Variants in ZNF300 observed in about 807,000 individuals in gnomAD.
ZNF300 encodes the protein kruppel-like zinc finger protein.
ZNF300 carries 6 observed loss-of-function variants against 13.9 expected under a neutral mutation model. That is an observed-to-expected ratio of 0.43 (90% confidence interval 0.24 to 0.85). ZNF300 has a LOEUF of 0.85. ZNF300 is among the 40% of genes least tolerant of loss of function. The pLI is 0.25. For synonymous variants in ZNF300, 237 were observed against 242.2 expected (o/e 0.98, Z 0.20); for missense variants, 662 against 714.2 (o/e 0.93, Z 0.83).
chr5:150,902,016 T>TA (rs1755011006), intron 3 of ZNF300, among the ~76,000 whole-genome samples: 1 of 152,172 alleles, frequency 6.6e-6, no homozygotes, highest in South Asian at 2.1e-4. Context: ...TATAAACTGT[T>TA]AATCAATCAC....
At chr5:150,898,300 C>T (rs1056216989) in intron 4 of ZNF300, 116 bp from the exon 5 acceptor site, 18 of 1,587,980 alleles carry the variant, frequency 1.1e-5, no homozygotes, top group East Asian at 4.5e-5. Context: ...AAAGGCATAA[C>T]CTCCATTTGC....
intron 3 of ZNF300, among the ~76,000 whole-genome samples, chr5:150,898,898 TTA>T (rs1293885071): frequency 6.6e-6 from 1 of 151,994 alleles, no homozygotes; most frequent in East Asian, 1.9e-4. Context: ...TCCTGAATAT[TTA>T]TATGTTGAAG....
At chr5:150,900,356 T>C (rs541135768) in intron 3 of ZNF300, among the ~76,000 whole-genome samples, 1 of 152,090 alleles carries the variant, frequency 6.6e-6, no homozygotes, top group Non-Finnish European at 1.5e-5. Flanking sequence ...TTTCTACTTT[T>C]ACAAATGCTG....
At chr5:150,898,295 C>T (rs1754869908) in intron 4 of ZNF300, 111 bp from the exon 5 acceptor site, 1 of 1,585,376 alleles carries the variant, frequency 6.3e-7, no homozygotes, top group Middle Eastern at 1.7e-4. Context: ...TCAACAAAGG[C>T]ATAACCTCCA....
chr5:150,899,008 A>G (rs1281096095), intron 3 of ZNF300, among the ~76,000 whole-genome samples: 2 of 152,092 alleles, frequency 1.3e-5, no homozygotes, highest in African/African-American at 4.8e-5. Flanking sequence ...AACTGAATCC[A>G]ATATGATCTG....
chr5:150,896,104 T>C lies in ZNF300; in HGVS notation c.1135A>G (p.Lys379Glu). 1.9e-6 allele frequency: 3 copies of C among 1,613,518 alleles called. No homozygotes were observed. The highest frequency in any genetic ancestry group is 2.5e-6 in the Non-Finnish European group (3 of 1,179,764). Residue 379 changes from lysine (K) to glutamate (E), a missense_variant, in exon 6 of 6, where the codon AAA (lysine) becomes GAA (glutamate). Physicochemically the swap from Lys to Glu is moderately conservative, Grantham distance 56. Transcript: ENST00000274599. ...CCACACTCTCTACATTCATAGGGTTTTTCCCCAGTATGTATTCTCTGATGT... is the reference window on the plus strand; with the variant it reads ...CCACACTCTCTACATTCATAGGGTTCTTCCCCAGTATGTATTCTCTGATGT... ...IIHQRIHTGE[K>E]PYECRECGKA...
chr5:150,902,940 T>C (rs1186794312), intron 3 of ZNF300, among the ~76,000 whole-genome samples: 1 of 152,226 alleles, frequency 6.6e-6, no homozygotes, highest in African/African-American at 2.4e-5. Flanking sequence ...TGTCTGCAAG[T>C]AAGATCAGAA....
intron 3 of ZNF300, among the ~76,000 whole-genome samples, chr5:150,901,143 G>A (rs1220451920): frequency 6.6e-6 from 1 of 151,954 alleles, no homozygotes; most frequent in Non-Finnish European, 1.5e-5. Flanking sequence ...CTTCCTGAAG[G>A]AAGAAGCATT....
chr5:150,896,118 A>G lies in ZNF300; in HGVS notation c.1121T>C (p.Ile374Thr), dbSNP rs1202928019. The change falls in exon 6 of 6, where the codon ATA becomes ACA. Residue 374 changes from isoleucine (I) to threonine (T), a missense_variant. By Grantham distance (89) the Ile-to-Thr change is moderately conservative (BLOSUM62 -1). Coordinates refer to ENST00000274599, the MANE Select transcript of ZNF300 (RefSeq NM_052860.4). Reference protein sequence around the residue: ...QKSPLIIHQRIHTGEKPYECR... With the variant: ...QKSPLIIHQRTHTGEKPYECR... ...TTCATAGGGTTTTTCCCCAGTATGTATTCTCTGATGTATAATGAGGGGTGA... is the reference window on the plus strand; with the variant it reads ...TTCATAGGGTTTTTCCCCAGTATGTGTTCTCTGATGTATAATGAGGGGTGA... The G allele has an allele frequency of 6.2e-7, 1 of 1,613,416 alleles. No homozygotes were observed. Among genetic ancestry groups the G allele is most frequent in the South Asian group, 1.1e-5 (1 of 91,058 alleles).
Position 150,896,610 on chromosome 5 carries a change from T to C in ZNF300, c.629A>G (p.Lys210Arg). 2 of 1,613,738 alleles carry C rather than the reference T, an allele frequency of 1.2e-6. No homozygotes were observed. The highest frequency in any genetic ancestry group is 1.7e-6 in the Non-Finnish European group (2 of 1,179,842). The change falls in exon 6 of 6, where the codon AAA becomes AGA. Residue 210 changes from lysine to arginine, a missense_variant. By Grantham distance (26) the Lys-to-Arg change is conservative. Transcript: ENST00000274599. Reference protein sequence around the residue: ...LPSCYKSNSRKKPDQSFGGGK... With the variant: ...LPSCYKSNSRRKPDQSFGGGK... ...ACCTCCAAAACTCTGATCAGGTTTT[T>C]TTCTTGAATTGCTCTTATAACAACT...
chr5:150,903,409 A>G, intron 2 of ZNF300: 2 of 1,506,672 alleles, frequency 1.3e-6, no homozygotes, highest in Non-Finnish European at 1.8e-6. Flanking sequence ...ATAGAAGTTG[A>G]CCAAGGTTTT....
At position 150,896,835 on chromosome 5, in the gene ZNF300, T is replaced by A. The variant is rs1328704559; in HGVS notation, c.404A>T (p.Gln135Leu). The change falls in exon 6 of 6, where the codon CAG becomes CTG. Residue 135 changes from glutamine to leucine, a missense_variant. Physicochemically the swap from Gln to Leu is moderately radical, Grantham distance 113. Coordinates refer to ENST00000274599, the MANE Select transcript of ZNF300 (RefSeq NM_052860.4). ...LKVCQGDGQL[Q>L]RFLENQDKLF... ...TTTGTCTTGATTCTCTAGAAATCTC[T>A]GCAGCTGACCATCACCTTGACAGAC... The A allele has an allele frequency of 1.9e-6, 3 of 1,613,648 alleles. No individual in the cohort carries two copies. The highest frequency in any genetic ancestry group is 1.7e-6 in the Non-Finnish European group (2 of 1,179,782).
At chr5:150,904,607 T>C (rs79623152) in intron 1 of ZNF300, 97 bp downstream of exon 1, 5,992 of 152,480 alleles carry the variant, frequency 0.039, 181 homozygotes, top group East Asian at 0.16. Context: ...AAATCCAACA[T>C]TAATCCCACC....
chr5:150,903,112 A>T (rs1045023130), intron 3 of ZNF300, 29 bp downstream of exon 3: 6 of 1,279,352 alleles, frequency 4.7e-6, no homozygotes, highest in East Asian at 2.4e-5. Flanking sequence ...CCAAAGAAGA[A>T]TTTTTTTTTT....
At chr5:150,903,496 C>T in intron 2 of ZNF300, 1 of 808,182 alleles carries the variant, frequency 1.2e-6, no homozygotes, top group Non-Finnish European at 2.0e-6. Flanking sequence ...ATCAGCAATT[C>T]TATTTATAGA....
At position 150,895,460 on chromosome 5, in the gene ZNF300, A is replaced by G; in HGVS notation, c.1779T>C (p.Thr593=). The change falls in exon 6 of 6, where the codon ACT becomes ACC. Residue 593 remains threonine (T), a synonymous_variant. Transcript: ENST00000274599. Reference sequence around the variant, plus strand: ...CCACTGTGTGAATTCTCTGGTGTACAGTTAGTTGTGACTTCTGGATGAAGG... The same window carrying G: ...CCACTGTGTGAATTCTCTGGTGTACGGTTAGTTGTGACTTCTGGATGAAGG... The part of the protein sequence containing the change: ...GKAFIQKSQL[T]VHQRIHTVVK... 2 of 1,611,834 alleles carry G rather than the reference A, an allele frequency of 1.2e-6. No homozygotes were observed. The highest frequency in any genetic ancestry group is 1.1e-5 in the South Asian group (1 of 90,884).
intron 3 of ZNF300, among the ~76,000 whole-genome samples, chr5:150,898,795 G>C (rs11749218): frequency 1.3e-5 from 2 of 151,952 alleles, no homozygotes; most frequent in African/African-American, 4.8e-5. Flanking sequence ...ATAACTGGGA[G>C]GAAGATGGAT....
chr5:150,895,436 CA>C lies in ZNF300; in HGVS notation c.1802del (p.Val601GlyfsTer2), dbSNP rs1451884748. ...TGTGGCCAGTTCATTATGATTTTAC[CA>C]CTGTGTGAATTCTCTGGTGTACAGT... ...QLTVHQRIHT[V>X]VKS On this transcript the variant is annotated frameshift_variant, in exon 6 of 6. Coordinates refer to ENST00000274599, the MANE Select transcript of ZNF300 (RefSeq NM_052860.4). LOFTEE classifies it high-confidence loss of function. The C allele has an allele frequency of 6.3e-7, 1 of 1,599,628 alleles. No homozygotes were observed. Among genetic ancestry groups the C allele is most frequent in the African/African-American group, 1.3e-5 (1 of 74,606 alleles).
At chr5:150,897,065 A>G in intron 5 of ZNF300, 92 bp from the exon 6 acceptor site, 3 of 983,270 alleles carry the variant, frequency 3.1e-6, no homozygotes, top group Non-Finnish European at 4.4e-6. Context: ...AACATAGTAG[A>G]TGAACTCACA....
Sources: gnomAD v4.1 joint callset for allele counts (sites outside exome capture counted in the v4.1 genomes callset) on GRCh38, gnomAD v4.1.1 for gene constraint, MANE v1.5 for transcripts, NCBI Gene and HGNC (gene_info 2026-07-23, HGNC 2026-07-21) for gene names.